Variants in CSMD3 observed in about 807,000 individuals in gnomAD.
The protein encoded by CSMD3 is CUB and Sushi multiple domains 3.
In CSMD3, 177 loss-of-function variants were observed where a neutral mutation model predicts 435.2. The ratio of observed to expected loss-of-function variants is 0.41; its 90% CI spans 0.36 to 0.46. The LOEUF (loss-of-function observed/expected upper bound fraction) is 0.46. CSMD3 is among the 20% of genes least tolerant of loss of function. The pLI is 0.34. For synonymous variants in CSMD3, 1,656 were observed against 1,520.5 expected (o/e 1.09, Z -2.07); for missense variants, 4,265 against 4,504.6 (o/e 0.95, Z 1.52).
chr8:113,389,058 A>G (rs1045814902), intron 1 of CSMD3, among the ~76,000 whole-genome samples: 4 of 151,506 alleles, frequency 2.6e-5, no homozygotes, highest in Non-Finnish European at 5.9e-5. Context: ...ACATCTTACA[A>G]CAAAGTTTTT....
chr8:112,667,693 T>G (rs962727117), intron 16 of CSMD3, among the ~76,000 whole-genome samples: 2 of 152,048 alleles, frequency 1.3e-5, no homozygotes, highest in Non-Finnish European at 2.9e-5. Context: ...TGCTCTACTT[T>G]CAGGAAGTAT....
chr8:112,583,695 A>G (rs1830501540), intron 23 of CSMD3, among the ~76,000 whole-genome samples: 1 of 151,906 alleles, frequency 6.6e-6, no homozygotes, highest in Admixed American at 6.6e-5. Context: ...AATGGATAGA[A>G]GGGTATATAT....
At chr8:112,397,517 T>C (rs1190201125) in intron 35 of CSMD3, among the ~76,000 whole-genome samples, 15 of 152,198 alleles carry the variant, frequency 9.9e-5, no homozygotes, top group African/African-American at 3.4e-4. Flanking sequence ...GGGTGGCTTA[T>C]AAACAACAGA....
At chr8:112,497,356 G>A (rs551899861) in intron 30 of CSMD3, among the ~76,000 whole-genome samples, 10 of 151,708 alleles carry the variant, frequency 6.6e-5, no homozygotes, top group African/African-American at 1.5e-4. Context: ...AACTAAAAGC[G>A]TATAATTGGA....
At chr8:112,577,163 C>T (rs1354688129) in intron 23 of CSMD3, among the ~76,000 whole-genome samples, 1 of 151,904 alleles carries the variant, frequency 6.6e-6, no homozygotes, top group Non-Finnish European at 1.5e-5. Context: ...TTAGGAAGCC[C>T]TTAAAAAGAG....
intron 2 of CSMD3, among the ~76,000 whole-genome samples, chr8:113,290,685 G>C (rs1165597447): frequency 6.6e-6 from 1 of 151,516 alleles, no homozygotes; most frequent in Non-Finnish European, 1.5e-5. Context: ...ATTAACATGA[G>C]AATGCAGTGA....
At chr8:112,767,873 T>G (rs998258712) in intron 13 of CSMD3, among the ~76,000 whole-genome samples, 1 of 151,966 alleles carries the variant, frequency 6.6e-6, no homozygotes, top group Non-Finnish European at 1.5e-5. Context: ...CTTGAGTTCA[T>G]TGAGCAAGCC....
chr8:112,436,838 G>T (rs1197683379), intron 32 of CSMD3, among the ~76,000 whole-genome samples: 1 of 152,014 alleles, frequency 6.6e-6, no homozygotes, highest in Admixed American at 6.6e-5. Flanking sequence ...TATTGGAAAT[G>T]AAATCAGTCT....
At chr8:112,798,130 A>G (rs1238182800) in intron 13 of CSMD3, among the ~76,000 whole-genome samples, 1 of 151,876 alleles carries the variant, frequency 6.6e-6, no homozygotes, top group Non-Finnish European at 1.5e-5. Context: ...AGAAGAGTAA[A>G]TATTTGAACT....
intron 45 of CSMD3, among the ~76,000 whole-genome samples, chr8:112,331,145 T>C (rs868636267): frequency 5.9e-4 from 90 of 152,152 alleles, no homozygotes; most frequent in African/African-American, 2.0e-3. Context: ...ACTAATATAG[T>C]GATGGCTATA....
intron 31 of CSMD3, among the ~76,000 whole-genome samples, chr8:112,491,754 A>G (rs1358815263): frequency 6.6e-6 from 1 of 152,132 alleles, no homozygotes; most frequent in Non-Finnish European, 1.5e-5. Flanking sequence ...TTCTATGTCT[A>G]TTATAAAAAT....
chr8:113,413,098 T>G (rs2129822503), intron 1 of CSMD3, among the ~76,000 whole-genome samples: 1 of 152,250 alleles, frequency 6.6e-6, no homozygotes, highest in Non-Finnish European at 1.5e-5. Flanking sequence ...AAATAGATCT[T>G]TGGCCAACTT....
chr8:112,346,180 C>T lies in CSMD3; in HGVS notation c.6359G>A (p.Gly2120Asp), dbSNP rs2131023853. ...AGGAAACCCAGGACTGAGGATCACACCACTGAAGTCTGACATAGCACCACC... is the reference window on the plus strand; with the variant it reads ...AGGAAACCCAGGACTGAGGATCACATCACTGAAGTCTGACATAGCACCACC... ...QCGGAMSDFS[G>D]VILSPGFPGN... Residue 2120 changes from glycine to aspartate, a missense_variant, in exon 41 of 71, where the codon GGT becomes GAT. This residue lies in a region of CSMD3 where 3,255 missense variants were observed against 3,380.2 expected (regional missense o/e 0.96). Transcript: ENST00000297405. 6.2e-7 allele frequency: 1 copy of T among 1,613,272 alleles called. No individual in the cohort carries two copies. The highest frequency in any genetic ancestry group is 1.1e-5 in the South Asian group (1 of 91,064).
chr8:112,380,483 C>T (rs1185715105), intron 37 of CSMD3, 27 bp from the exon 38 acceptor site: 1 of 1,093,730 alleles, frequency 9.1e-7, no homozygotes, highest in East Asian at 2.4e-5. Flanking sequence ...GAAGGCAAGA[C>T]AATGACCACA....
intron 1 of CSMD3, among the ~76,000 whole-genome samples, chr8:113,322,450 A>G (rs978921293): frequency 1.3e-5 from 2 of 152,198 alleles, no homozygotes; most frequent in African/African-American, 4.8e-5. Context: ...TCAGTTTGTC[A>G]TAAATTAAAC....
chr8:112,283,045 G>T (rs1818817929), intron 58 of CSMD3, among the ~76,000 whole-genome samples: 1 of 152,014 alleles, frequency 6.6e-6, no homozygotes, highest in Admixed American at 6.6e-5. Context: ...TCACAAAAAT[G>T]TTCTGAGTTA....
intron 22 of CSMD3, among the ~76,000 whole-genome samples, chr8:112,612,971 T>C (rs539770038): frequency 6.6e-6 from 1 of 151,896 alleles, no homozygotes; most frequent in Non-Finnish European, 1.5e-5. Context: ...TCTGAGATTC[T>C]TTTTTGCCCA....
At chr8:112,307,364 T>C (rs1821531436) in intron 50 of CSMD3, among the ~76,000 whole-genome samples, 1 of 152,126 alleles carries the variant, frequency 6.6e-6, no homozygotes, top group East Asian at 1.9e-4. Flanking sequence ...CACTGCAGCC[T>C]CTACCTCCTG....
chr8:112,440,909 GAT>G lies in CSMD3; in HGVS notation c.5395+31680_5395+31681del, dbSNP rs575308583. 1.3e-3 allele frequency among the ~76,000 whole-genome samples: 192 copies of G among 152,294 alleles called. 1 individual carries two copies. Among genetic ancestry groups the G allele is most frequent in the African/African-American group, 4.6e-3 (190 of 41,574 alleles). On this transcript the variant is annotated intron_variant, in intron 32 of 70. Transcript: ENST00000297405. ...TTCCCTCCTAGACATCCAGGCCTGTGATGGGAGAGGCTGCCATGAACGTCTCT... is the reference window on the plus strand; with the variant it reads ...TTCCCTCCTAGACATCCAGGCCTGTGGGGAGAGGCTGCCATGAACGTCTCT...
Sources: allele counts gnomAD v4.1 joint callset (sites outside exome capture counted in the v4.1 genomes callset), GRCh38; gene constraint gnomAD v4.1.1; regional missense constraint gnomAD v4.1.1; transcripts MANE v1.5; gene names NCBI Gene and HGNC (gene_info 2026-07-23, HGNC 2026-07-21).